Variants in NOTCH3 observed in about 807,000 individuals in gnomAD.
NOTCH3 encodes the protein neurogenic locus notch homolog protein 3.
A neutral mutation model predicts 213.3 loss-of-function variants in NOTCH3; 86 were observed. The ratio of observed to expected loss-of-function variants is 0.40; its 90% CI spans 0.34 to 0.48. The LOEUF (loss-of-function observed/expected upper bound fraction) is 0.48. Ranked by LOEUF, NOTCH3 falls within the 20% of genes least tolerant of loss-of-function variation. The probability of loss-of-function intolerance (pLI) is 0.57; values close to 1 mark genes in which losing one functional copy is unlikely to be tolerated. For missense variants in NOTCH3, 2,783 were observed against 3,272.6 expected (o/e 0.85, Z 3.65); for synonymous variants, 1,354 against 1,355.9 (o/e 1.00, Z 0.03).
chr19:15,180,878 G>A (rs1270352761), intron 18 of NOTCH3, 50 bp from the exon 19 acceptor site: 1 of 1,606,126 alleles, frequency 6.2e-7, no homozygotes, highest in Non-Finnish European at 8.5e-7. Context: ...GGGTAGTCTG[G>A]GAGAAACTGT....
Position 15,165,616 on chromosome 19 carries a change from C to G in NOTCH3, c.5668-101G>C. 1.5e-6 allele frequency: 2 copies of G among 1,371,452 alleles called. No homozygotes were observed. The highest frequency in any genetic ancestry group is 2.0e-6 in the Non-Finnish European group (2 of 1,001,672). 85.0% of individuals were successfully genotyped at this position (1,371,452 alleles called of 1,614,324 possible). A position where few individuals can be genotyped will look rare whatever the true frequency, so the allele number is the denominator to read the frequency against. On this transcript the variant is annotated intron_variant, in intron 30 of 32. Coordinates refer to ENST00000263388, the MANE Select transcript of NOTCH3 (RefSeq NM_000435.3). This position sits in a 1 kb window ranked among gnomAD's most constrained non-coding sequence, Gnocchi z 4.7. ...AAGTCCCCAACCCCCATACCCCAAC[C>G]CCTGAAATTGGTGAGGTTCAGGGAG...
chr19:15,191,687 A>G (rs1227508660), intron 5 of NOTCH3, 30 bp from the exon 6 acceptor site: 1 of 1,613,244 alleles, frequency 6.2e-7, no homozygotes, highest in African/African-American at 1.3e-5. Flanking sequence ...CAGTCCAGCC[A>G]CCTGGCGCAT....
At chr19:15,162,372 G>A (rs1351033496) in intron 32 of NOTCH3, 93 bp downstream of exon 32, 1 of 910,866 alleles carries the variant, frequency 1.1e-6, no homozygotes, top group Middle Eastern at 3.2e-4. Context: ...ATTTTGTTTT[G>A]TTTTTTGAGA....
At position 15,173,052 on chromosome 19, in the gene NOTCH3, C is replaced by CCTCCTCCTCCTCCTCCTCCTCCTCCT. The variant is rs781063990; in HGVS notation, c.4736+1015_4736+1016insAGGAGGAGGAGGAGGAGGAGGAGGAG. Among the ~76,000 whole-genome samples, 31 of 18,978 alleles carry CCTCCTCCTCCTCCTCCTCCTCCTCCT rather than the reference C, an allele frequency of 1.6e-3. 1 individual carries two copies. The highest frequency in any genetic ancestry group is 5.9e-3 in the African/African-American group (11 of 1,880). 12.5% of individuals were successfully genotyped at this position (18,978 alleles called of 152,430 possible). A position where few individuals can be genotyped will look rare whatever the true frequency, so the allele number is the denominator to read the frequency against. On this transcript the variant is annotated intron_variant, in intron 25 of 32. Coordinates refer to ENST00000263388, the MANE Select transcript of NOTCH3 (RefSeq NM_000435.3). The stretch of plus-strand genomic sequence containing the variant: ...CCCCCTCCCCCTCCCCCTCCCTCCT[C>CCTCCTCCTCCTCCTCCTCCTCCTCCT]CCTCTTCTTCTTCTTCTTCTTCTTC...
In NOTCH3 at chr19:15,161,400, C is replaced by T; in HGVS notation, c.6228G>A (p.Gly2076=). 1 of 1,522,148 alleles carries T rather than the reference C, an allele frequency of 6.6e-7. No homozygotes were observed. The highest frequency in any genetic ancestry group is 8.8e-7 in the Non-Finnish European group (1 of 1,135,552). 94.3% of individuals were successfully genotyped at this position (1,522,148 alleles called of 1,614,324 possible). A position where few individuals can be genotyped will look rare whatever the true frequency, so the allele number is the denominator to read the frequency against. The part of the protein sequence containing the change: ...PPGKAGLGPQ[G]PRGRGKKLTL... ...TCAGCTTCTTGCCCCGCCCCCGGGG[C>T]CCCTGCGGCCCCAGCCCCGCCTTCC... The change falls in exon 33 of 33, where the codon GGG becomes GGA. Residue 2076 remains glycine, a synonymous_variant. Coordinates refer to ENST00000263388, the MANE Select transcript of NOTCH3 (RefSeq NM_000435.3).
chr19:15,188,199 C>T (rs777764731), intron 9 of NOTCH3, 36 bp downstream of exon 9: 1 of 1,490,032 alleles, frequency 6.7e-7, no homozygotes, highest in East Asian at 2.4e-5. Context: ...CCTTCCCAGA[C>T]ATGTCTTTTC....
rs2145436449 is a variant in NOTCH3, at chr19:15,189,140, C to T, written c.1227G>A (p.Val409=). ...ANPCEHLGRC[V]NTQGSFLCQC... is the part of the protein sequence containing the mutation. ...GGCACAGGAAGGAGCCCTGCGTGTT[C>T]ACGCACCTGCCCAAGTGCTCGCAGG... is the stretch of plus-strand genomic sequence containing the variant. Residue 409 remains valine (V), a synonymous_variant, in exon 8 of 33, where the codon GTG becomes GTA. Coordinates refer to ENST00000263388, the MANE Select transcript of NOTCH3 (RefSeq NM_000435.3). 1 of 1,613,392 alleles carries T rather than the reference C, an allele frequency of 6.2e-7. No individual in the cohort carries two copies.
Position 15,159,978 on chromosome 19 carries a change from G to A in NOTCH3, c.*684C>T, listed in dbSNP as rs1356024678. On this transcript the variant is annotated 3_prime_UTR_variant, in exon 33 of 33. Transcript: ENST00000263388. ...TGGCAGTGGGCCCTTCCCCAGCAAG[G>A]CTATGGAACATGTCCCATCTGGAAT... 3 of 233,630 alleles carry A rather than the reference G, an allele frequency of 1.3e-5. No homozygotes were observed. The highest frequency in any genetic ancestry group is 6.0e-5 in the East Asian group (1 of 16,598). 14.5% of individuals were successfully genotyped at this position (233,630 alleles called of 1,614,324 possible).
At position 15,192,141 on chromosome 19, in the gene NOTCH3, C is replaced by T; in HGVS notation, c.498G>A (p.Glu166=). 1 of 1,612,910 alleles carries T rather than the reference C, an allele frequency of 6.2e-7. No homozygotes were observed. Among genetic ancestry groups the T allele is most frequent in the Non-Finnish European group, 8.5e-7 (1 of 1,179,986 alleles). The change falls in exon 4 of 33, where the codon GAG becomes GAA. Residue 166 remains glutamate (E), a synonymous_variant. Coordinates refer to ENST00000263388, the MANE Select transcript of NOTCH3 (RefSeq NM_000435.3). ...GGCAGGTGCCACCATGGCGGCAGGG[C>T]TCACCCACCCGGCACTCATCCACGT... is the stretch of plus-strand genomic sequence containing the variant. ...RSDVDECRVG[E]PCRHGGTCLN...
At position 15,160,779 on chromosome 19, in the gene NOTCH3, G is replaced by C; in HGVS notation, c.6849C>G (p.Thr2283=). The C allele has an allele frequency of 1.9e-6, 3 of 1,613,862 alleles. No individual in the cohort carries two copies. Among genetic ancestry groups the C allele is most frequent in the Non-Finnish European group, 1.7e-6 (2 of 1,179,750 alleles). ...PATATGAMAT[T]TGALPAQPLP... ...GTGGCTGGGCAGGCAGTGCCCCAGT[G>C]GTGGTGGCCATGGCCCCAGTGGCAG... The change falls in exon 33 of 33, where the codon ACC becomes ACG. Residue 2283 remains threonine, a synonymous_variant. Transcript: ENST00000263388.
At chr19:15,178,217 A>T in intron 23 of NOTCH3, 127 bp from the exon 24 acceptor site, 1 of 616,538 alleles carries the variant, frequency 1.6e-6, no homozygotes, top group Non-Finnish European at 2.7e-6. Context: ...AGAGGTCAAG[A>T]CTAAGGAAGG....
rs1313772816 is a variant in NOTCH3 at position 15,159,763 on chromosome 19, T to G, written c.*899A>C. On this transcript the variant is annotated 3_prime_UTR_variant, in exon 33 of 33. Transcript: ENST00000263388. ...CAAAAATAGCCTAAAAATACCTCTA[T>G]TCTGCCATGAGGCTGGGCCAGAGGA... 8.6e-6 allele frequency: 2 copies of G among 233,198 alleles called. No homozygotes were observed. The highest frequency in any genetic ancestry group is 2.2e-5 in the African/African-American group (1 of 45,360). 14.4% of individuals were successfully genotyped at this position (233,198 alleles called of 1,614,324 possible).
chr19:15,165,359 C>A lies in NOTCH3; in HGVS notation c.5815+9G>T. 2 of 1,603,804 alleles carry A rather than the reference C, an allele frequency of 1.2e-6. No individual in the cohort carries two copies. The highest frequency in any genetic ancestry group is 2.2e-5 in the South Asian group (2 of 91,084). On this transcript the variant is annotated intron_variant, in intron 31 of 32. Coordinates refer to ENST00000263388, the MANE Select transcript of NOTCH3 (RefSeq NM_000435.3). The surrounding 1 kb of genome is among the most constrained non-coding windows in gnomAD (Gnocchi z 4.7). ...ACCCAGCTTAGACTTGATTCCTCTG[C>A]CAACCTACCAAGCTCATCCACAGCA...
chr19:15,188,384 T>A (rs1170278373), intron 8 of NOTCH3, 36 bp from the exon 9 acceptor site: 1 of 1,367,056 alleles, frequency 7.3e-7, no homozygotes, highest in African/African-American at 1.4e-5. Context: ...AAGCGGGGGC[T>A]ACCCTATGGT....
intron 2 of NOTCH3, among the ~76,000 whole-genome samples, chr19:15,193,460 G>A (rs1368569434): frequency 1.3e-5 from 2 of 151,912 alleles, no homozygotes; most frequent in East Asian, 3.9e-4. Flanking sequence ...TATCCACCTG[G>A]GCCCTAAATT....
At chr19:15,192,647 G>T in intron 2 of NOTCH3, 128 bp from the exon 3 acceptor site, 1 of 1,330,822 alleles carries the variant, frequency 7.5e-7, no homozygotes, top group Non-Finnish European at 1.0e-6. Flanking sequence ...GGGAGCAGTG[G>T]CTCACGCCTG....
At chr19:15,187,045 A>G (rs1321104127) in intron 11 of NOTCH3, 57 bp from the exon 12 acceptor site, 1 of 1,606,590 alleles carries the variant, frequency 6.2e-7, no homozygotes, top group Non-Finnish European at 8.5e-7. Flanking sequence ...TAGATGCACC[A>G]TTCCCAAACC....
chr19:15,173,784 G>GAGAAGAAGAAGA (rs1245899990), intron 25 of NOTCH3, among the ~76,000 whole-genome samples: 1 of 146,548 alleles, frequency 6.8e-6, no homozygotes, highest in Non-Finnish European at 1.5e-5. Context: ...GAAGGAGAAG[G>GAGAAGAAGAAGA]AGAAGAAGAA....
At chr19:15,176,657 G>A (rs551714613) in intron 24 of NOTCH3, among the ~76,000 whole-genome samples, 1 of 150,588 alleles carries the variant, frequency 6.6e-6, no homozygotes, top group African/African-American at 2.4e-5. Flanking sequence ...CAGCTCCTAG[G>A]GAGGCTGAGG....
Sources: allele counts gnomAD v4.1 joint callset (sites outside exome capture counted in the v4.1 genomes callset), GRCh38; gene constraint gnomAD v4.1.1; non-coding constraint Gnocchi (gnomAD v3.1); transcripts MANE v1.5; gene names NCBI Gene and HGNC (gene_info 2026-07-23, HGNC 2026-07-21).